Variants in SLC24A3 observed in about 807,000 individuals in gnomAD.
SLC24A3 encodes solute carrier family 24 member 3.
A neutral mutation model predicts 75.8 loss-of-function variants in SLC24A3; 28 were observed. The ratio of observed to expected loss-of-function variants is 0.37; its 90% CI spans 0.27 to 0.51. SLC24A3 has a LOEUF of 0.51. Among genes scored for constraint, SLC24A3 ranks in the 20% least tolerant of loss-of-function variants. SLC24A3 has a pLI of 0.94. For synonymous variants in SLC24A3, 372 were observed against 334.1 expected, an observed-to-expected ratio of 1.11 and a Z score of -1.24; for missense variants, 663 against 847.8, an observed-to-expected ratio of 0.78 and a Z score of 2.71.
chr20:19,276,641 G>A (rs892272227), intron 1 of SLC24A3, among the ~76,000 whole-genome samples: 1 of 152,096 alleles, frequency 6.6e-6, no homozygotes, highest in Non-Finnish European at 1.5e-5. Context: ...GTGGTGGCTC[G>A]TGCGTATAAT....
intron 1 of SLC24A3, among the ~76,000 whole-genome samples, chr20:19,225,996 C>T (rs2122139990): frequency 6.6e-6 from 1 of 152,148 alleles, no homozygotes; most frequent in African/African-American, 2.4e-5. Context: ...GTCTTGTGTC[C>T]CTGATATTAG....
intron 7 of SLC24A3, among the ~76,000 whole-genome samples, chr20:19,660,222 A>G (rs2032311472): frequency 6.6e-6 from 1 of 152,022 alleles, no homozygotes; most frequent in Non-Finnish European, 1.5e-5. Context: ...AAATTTTAGC[A>G]TTCCCTTCAC....
At chr20:19,712,191 C>A (rs571170361) in intron 15 of SLC24A3, among the ~76,000 whole-genome samples, 1 of 152,000 alleles carries the variant, frequency 6.6e-6, no homozygotes, top group Non-Finnish European at 1.5e-5. Flanking sequence ...ATTCAGGCAA[C>A]CCACCTACAT....
chr20:19,342,712 A>G (rs778554622), intron 2 of SLC24A3, among the ~76,000 whole-genome samples: 15 of 152,192 alleles, frequency 9.9e-5, no homozygotes, highest in Non-Finnish European at 2.1e-4. Flanking sequence ...ATTCTTCCAG[A>G]TGAAGGTGGC....
intron 2 of SLC24A3, among the ~76,000 whole-genome samples, chr20:19,495,269 A>AT (rs1389475692): frequency 6.6e-6 from 1 of 152,200 alleles, no homozygotes; most frequent in African/African-American, 2.4e-5. Context: ...TCTACAAGAC[A>AT]TAGTCATGTG....
intron 2 of SLC24A3, among the ~76,000 whole-genome samples, chr20:19,382,962 T>C (rs918836762): frequency 6.6e-6 from 1 of 152,176 alleles, no homozygotes; most frequent in Admixed American, 6.5e-5. Flanking sequence ...AAACGTATTT[T>C]CCATCCATTT....
chr20:19,354,040 C>T (rs919135547), intron 2 of SLC24A3, among the ~76,000 whole-genome samples: 1 of 152,074 alleles, frequency 6.6e-6, no homozygotes, highest in Non-Finnish European at 1.5e-5. Flanking sequence ...TAGCTCCAAA[C>T]TAGAAAAATC....
chr20:19,338,143 C>G (rs1034634858), intron 2 of SLC24A3, among the ~76,000 whole-genome samples: 3 of 152,170 alleles, frequency 2.0e-5, no homozygotes, highest in Non-Finnish European at 4.4e-5. Context: ...TACTGTTTTC[C>G]TTTAATAGAA....
chr20:19,553,015 C>T (rs770359430), intron 3 of SLC24A3, among the ~76,000 whole-genome samples: 14 of 151,334 alleles, frequency 9.3e-5, no homozygotes, highest in Non-Finnish European at 1.9e-4. Context: ...TCCCTCCATC[C>T]CTCCCTCCTC....
chr20:19,717,445 C>T (rs796579395), intron 15 of SLC24A3, 83 bp from the exon 16 acceptor site: 26 of 1,385,508 alleles, frequency 1.9e-5, no homozygotes, highest in Admixed American at 1.2e-4. Flanking sequence ...CTCAGAGTTG[C>T]GTAGGCAGAT....
intron 2 of SLC24A3, among the ~76,000 whole-genome samples, chr20:19,485,381 G>A (rs558392419): frequency 6.6e-6 from 1 of 152,240 alleles, no homozygotes; most frequent in East Asian, 1.9e-4. Context: ...AGTGAAAATT[G>A]CAGTATACAT....
At chr20:19,449,006 T>C (rs1236016530) in intron 2 of SLC24A3, among the ~76,000 whole-genome samples, 1 of 152,110 alleles carries the variant, frequency 6.6e-6, no homozygotes, top group African/African-American at 2.4e-5. Context: ...TGGACACATG[T>C]AGGGACCTGC....
At chr20:19,226,824 C>T (rs747965651) in intron 1 of SLC24A3, among the ~76,000 whole-genome samples, 25 of 152,206 alleles carry the variant, frequency 1.6e-4, no homozygotes, top group Non-Finnish European at 2.5e-4. Flanking sequence ...TCTGATTCCA[C>T]ATCCTGTGGT....
chr20:19,448,474 G>A (rs540254259), intron 2 of SLC24A3, among the ~76,000 whole-genome samples: 7 of 152,272 alleles, frequency 4.6e-5, no homozygotes, highest in African/African-American at 1.4e-4. Context: ...CTTCAACACC[G>A]TGTTTTCCCA....
At position 19,696,818 on chromosome 20, in the gene SLC24A3, C is replaced by T; in HGVS notation, c.1513C>T (p.Leu505=). 1 of 1,614,078 alleles carries T rather than the reference C, an allele frequency of 6.2e-7. No individual in the cohort carries two copies. Among genetic ancestry groups the T allele is most frequent in the South Asian group, 1.1e-5 (1 of 91,082 alleles). The change falls in exon 14 of 17, where the codon CTG becomes TTG. Residue 505 remains leucine, a synonymous_variant. Coordinates refer to ENST00000328041, the MANE Select transcript of SLC24A3 (RefSeq NM_020689.4). ...VWMVTIIGYT[L]GIPDVIMGIT... is the part of the protein sequence containing the mutation. ...CTAGGTCACAATCATTGGTTACACC[C>T]TGGGGATTCCTGACGTCATCATGGG...
At chr20:19,515,275 G>A (rs534875216) in intron 2 of SLC24A3, among the ~76,000 whole-genome samples, 53 of 152,306 alleles carry the variant, frequency 3.5e-4, no homozygotes, top group African/African-American at 1.2e-3. Flanking sequence ...CTGTGGGGCC[G>A]AGCCCCAGGT....
Position 19,212,797 on chromosome 20 carries a change from C to A in SLC24A3, c.-46C>A, listed in dbSNP as rs1424150651. The stretch of plus-strand genomic sequence containing the variant: ...CTGTCCCCGCCGCGGCCGCCCGCGA[C>A]AGGAGCGGCCGCCGCCCGCCGAGGC... On this transcript the variant is annotated 5_prime_UTR_variant, in exon 1 of 17. Transcript: ENST00000328041. 1 of 979,078 alleles carries A rather than the reference C, an allele frequency of 1.0e-6. No homozygotes were observed. The highest frequency in any genetic ancestry group is 4.6e-5 in the South Asian group (1 of 21,864). The allele number at this position is 979,078 out of a possible 1,614,324, so 60.6% of individuals were successfully genotyped here.
chr20:19,291,264 G>A (rs766185948), intron 2 of SLC24A3, among the ~76,000 whole-genome samples: 9 of 152,138 alleles, frequency 5.9e-5, no homozygotes, highest in East Asian at 3.9e-4. Flanking sequence ...AGGTAGGCCT[G>A]GTCTCTCTCC....
intron 6 of SLC24A3, among the ~76,000 whole-genome samples, chr20:19,624,395 G>A (rs768031749): frequency 2.2e-4 from 34 of 152,218 alleles, no homozygotes; most frequent in Non-Finnish European, 3.8e-4. Flanking sequence ...AAAGTTGTAT[G>A]TATGAGACAG....
Sources: allele counts gnomAD v4.1 joint callset (sites outside exome capture counted in the v4.1 genomes callset), GRCh38; gene constraint gnomAD v4.1.1; transcripts MANE v1.5; gene names NCBI Gene and HGNC (gene_info 2026-07-23, HGNC 2026-07-21).